The following ANGPT1 variants were observed in gnomAD, a reference collection of about 807,000 sequenced individuals.
ANGPT1 encodes the protein angiopoietin 1, also known as angiopoietin-1.
ANGPT1 carries 17 observed loss-of-function variants against 62.2 expected under a neutral mutation model. That is an observed-to-expected ratio of 0.27 (90% confidence interval 0.19 to 0.41). The LOEUF (loss-of-function observed/expected upper bound fraction) is 0.41, where lower values mean the gene tolerates loss of function less well. ANGPT1 is among the 10% of genes least tolerant of loss of function. The probability of loss-of-function intolerance (pLI) is 1.00; values close to 1 mark genes in which losing one functional copy is unlikely to be tolerated. For synonymous variants in ANGPT1, 199 were observed against 198.9 expected (o/e 1.00, Z 0.00); for missense variants, 478 against 594.9 (o/e 0.80, Z 2.04).
intron 1 of ANGPT1, among the ~76,000 whole-genome samples, chr8:107,408,756 T>C (rs1817201426): frequency 1.3e-5 from 2 of 152,224 alleles, no homozygotes; most frequent in Admixed American, 6.5e-5. Flanking sequence ...TCTCTGCTTA[T>C]GTGCTTCAAG....
chr8:107,380,918 C>T (rs1816624667), intron 1 of ANGPT1, among the ~76,000 whole-genome samples: 1 of 152,196 alleles, frequency 6.6e-6, no homozygotes, highest in African/African-American at 2.4e-5. Flanking sequence ...TTGCTTAATG[C>T]TTTGCATTTG....
At chr8:107,265,327 G>A (rs768943654) in intron 7 of ANGPT1, among the ~76,000 whole-genome samples, 7 of 152,226 alleles carry the variant, frequency 4.6e-5, no homozygotes, top group East Asian at 1.9e-4. Context: ...CCTAGAATCC[G>A]AGAACTAGTG....
rs1474034984 is a variant in ANGPT1, at chr8:107,250,680, A to G, written c.*1175T>C. On this transcript the variant is annotated 3_prime_UTR_variant, in exon 9 of 9. Coordinates refer to ENST00000517746, the MANE Select transcript of ANGPT1 (RefSeq NM_001146.5). The stretch of plus-strand genomic sequence containing the variant: ...AGATATAAACATGCTATGTACAATG[A>G]TATTTATAATTATTTTATTTTTTAT... The G allele has an allele frequency of 6.6e-6, 1 of 152,098 alleles. No homozygotes were observed. The highest frequency in any genetic ancestry group is 1.5e-5 in the Non-Finnish European group (1 of 67,986). 9.4% of individuals were successfully genotyped at this position (152,098 alleles called of 1,614,324 possible).
chr8:107,351,560 T>C (rs1323867590), intron 1 of ANGPT1, among the ~76,000 whole-genome samples: 1 of 151,556 alleles, frequency 6.6e-6, no homozygotes, highest in African/African-American at 2.4e-5. Flanking sequence ...TATAATATAT[T>C]ATAACATACA....
intron 4 of ANGPT1, among the ~76,000 whole-genome samples, chr8:107,312,288 G>A (rs1814891659): frequency 6.6e-5 from 10 of 152,124 alleles, no homozygotes; most frequent in Admixed American, 6.5e-4. Flanking sequence ...TTTCGTGTGT[G>A]TTAATTTCCC....
chr8:107,416,916 C>T (rs1810766353), intron 1 of ANGPT1, among the ~76,000 whole-genome samples: 3 of 151,808 alleles, frequency 2.0e-5, no homozygotes, highest in Admixed American at 2.0e-4. Context: ...CTCAGGTTCC[C>T]CAGTAGCTAG....
At chr8:107,350,612 C>A (rs1172685907) in intron 1 of ANGPT1, among the ~76,000 whole-genome samples, 3 of 152,076 alleles carry the variant, frequency 2.0e-5, no homozygotes, top group African/African-American at 4.8e-5. Context: ...GTTCTGCTGA[C>A]CCTGTTGTAG....
chr8:107,400,886 A>AG (rs11411174), intron 1 of ANGPT1, among the ~76,000 whole-genome samples: 125,336 of 151,964 alleles, frequency 0.82, 51,835 homozygotes, highest in East Asian at 0.91. Flanking sequence ...GTAACTTGAA[A>AG]TGTAAAGATT....
intron 1 of ANGPT1, among the ~76,000 whole-genome samples, chr8:107,424,593 A>G (rs1810986971): frequency 1.3e-5 from 2 of 152,362 alleles, no homozygotes; most frequent in South Asian, 4.1e-4. Context: ...GAGACCACAC[A>G]GGACCTAAGC....
intron 1 of ANGPT1, among the ~76,000 whole-genome samples, chr8:107,359,219 G>C (rs1327413455): frequency 6.6e-6 from 1 of 152,094 alleles, no homozygotes; most frequent in Non-Finnish European, 1.5e-5. Context: ...TCCGAAGAGA[G>C]GAGTACAATG....
chr8:107,490,040 C>G lies in ANGPT1; in HGVS notation c.297+7222G>C, dbSNP rs559318869. On this transcript the variant is annotated intron_variant, in intron 1 of 8. Coordinates refer to ENST00000517746, the MANE Select transcript of ANGPT1 (RefSeq NM_001146.5). ...TGTGGCAGAATGAAAACAAAACCTC[C>G]TTAATTAGCAAATTATAGCACAGGG... 2.0e-5 allele frequency among the ~76,000 whole-genome samples: 3 copies of G among 152,250 alleles called. No homozygotes were observed. In the East Asian group the frequency reaches 5.8e-4, roughly 29 times the overall value.
chr8:107,317,077 C>G (rs1044966369), intron 4 of ANGPT1, among the ~76,000 whole-genome samples: 19 of 152,304 alleles, frequency 1.2e-4, no homozygotes, highest in Admixed American at 6.5e-4. Flanking sequence ...TGCCCTTATC[C>G]TTCTGTTCCT....
intron 1 of ANGPT1, among the ~76,000 whole-genome samples, chr8:107,485,622 A>T (rs984333904): frequency 6.6e-6 from 1 of 152,222 alleles, no homozygotes; most frequent in Non-Finnish European, 1.5e-5. Flanking sequence ...ACAATGATAA[A>T]TAAAATAGGA....
chr8:107,263,786 T>C (rs1419092432), intron 8 of ANGPT1, among the ~76,000 whole-genome samples: 2 of 152,198 alleles, frequency 1.3e-5, no homozygotes, highest in Non-Finnish European at 2.9e-5. Flanking sequence ...TTACCTTTGG[T>C]TTAACTACAC....
At chr8:107,288,193 T>A (rs1300535450) in intron 6 of ANGPT1, among the ~76,000 whole-genome samples, 2 of 152,206 alleles carry the variant, frequency 1.3e-5, no homozygotes, top group Non-Finnish European at 2.9e-5. Flanking sequence ...ATGAGTATTG[T>A]CATTTTAATC....
At chr8:107,285,017 CTCT>C (rs990759406) in intron 6 of ANGPT1, among the ~76,000 whole-genome samples, 169 bp from the exon 7 acceptor site, 2 of 151,992 alleles carry the variant, frequency 1.3e-5, no homozygotes, top group Non-Finnish European at 2.9e-5. Flanking sequence ...AATTCTGTGT[CTCT>C]TCATCAAAGC....
At chr8:107,474,799 C>G (rs1255792654) in intron 1 of ANGPT1, among the ~76,000 whole-genome samples, 2 of 152,132 alleles carry the variant, frequency 1.3e-5, no homozygotes, top group Non-Finnish European at 2.9e-5. Context: ...GGTAGACAAA[C>G]AGAGAGCCAA....
At chr8:107,426,201 G>A (rs1332007342) in intron 1 of ANGPT1, among the ~76,000 whole-genome samples, 3 of 152,054 alleles carry the variant, frequency 2.0e-5, no homozygotes, top group South Asian at 2.1e-4. Context: ...GCCTGTGCGC[G>A]TGAGGGATCC....
intron 1 of ANGPT1, among the ~76,000 whole-genome samples, chr8:107,488,440 A>G (rs1426303718): frequency 2.0e-5 from 3 of 152,194 alleles, no homozygotes; most frequent in South Asian, 4.1e-4. Context: ...GCCTCACTCC[A>G]CTTCTTCTGT....
Sources: allele counts gnomAD v4.1 joint callset (sites outside exome capture counted in the v4.1 genomes callset), GRCh38; gene constraint gnomAD v4.1.1; transcripts MANE v1.5; gene names NCBI Gene and HGNC (gene_info 2026-07-23, HGNC 2026-07-21).